The following NOX3 variants were observed in gnomAD, a reference collection of about 807,000 sequenced individuals.
The protein encoded by NOX3 is NADPH oxidase catalytic subunit-like 3.
In NOX3, 74 loss-of-function variants were observed where a neutral mutation model predicts 76.7. That is an observed-to-expected ratio of 0.96 (90% CI 0.80 to 1.17). The LOEUF is 1.17. Ranked by LOEUF, NOX3 falls within the 50% of genes most tolerant of loss-of-function variation. The pLI, the probability that NOX3 is intolerant of heterozygous loss-of-function variation, is 0.00. For synonymous variants in NOX3, 263 were observed against 261.1 expected (o/e 1.01, Z -0.07); for missense variants, 695 against 703.3 (o/e 0.99, Z 0.13).
At chr6:155,442,905 G>T (rs1777012216) in intron 5 of NOX3, among the ~76,000 whole-genome samples, 1 of 152,166 alleles carries the variant, frequency 6.6e-6, no homozygotes, top group Non-Finnish European at 1.5e-5. Context: ...TAATCTCTGT[G>T]TTTAGCTGGC....
intron 10 of NOX3, among the ~76,000 whole-genome samples, chr6:155,421,558 A>C (rs75741674): frequency 0.015 from 2,262 of 152,244 alleles, 74 homozygotes; most frequent in African/African-American, 0.052. Flanking sequence ...CTGAATGAGG[A>C]TCTTTTCTGC....
At chr6:155,435,812 C>T (rs936510632) in intron 7 of NOX3, among the ~76,000 whole-genome samples, 2 of 152,150 alleles carry the variant, frequency 1.3e-5, no homozygotes, top group Non-Finnish European at 2.9e-5. Flanking sequence ...ACCACCTACC[C>T]GGGAAATCTG....
intron 4 of NOX3, among the ~76,000 whole-genome samples, chr6:155,452,737 C>T (rs1777163907): frequency 6.6e-6 from 1 of 152,064 alleles, no homozygotes; most frequent in Admixed American, 6.6e-5. Flanking sequence ...CTCCTTATCG[C>T]TCAGATAGCC....
intron 12 of NOX3, among the ~76,000 whole-genome samples, chr6:155,400,549 A>G (rs1406310756): frequency 6.6e-6 from 1 of 152,170 alleles, no homozygotes; most frequent in African/African-American, 2.4e-5. Context: ...AGTGTTTTTC[A>G]TTAGAAATGC....
At chr6:155,443,461 C>T (rs974621917) in intron 4 of NOX3, 43 bp from the exon 5 acceptor site, 5 of 1,594,248 alleles carry the variant, frequency 3.1e-6, no homozygotes. Flanking sequence ...CTGTGGCTTG[C>T]TTTCTCCCTA....
chr6:155,443,407 C>A lies in NOX3; in HGVS notation c.352G>T (p.Val118Leu), dbSNP rs200369845. 6.2e-7 allele frequency: 1 copy of A among 1,613,700 alleles called. No homozygotes were observed. The change falls in exon 5 of 14, where the codon GTG becomes TTG. Residue 118 changes from valine (V) to leucine (L), a missense_variant. Physicochemically the swap from Val to Leu is conservative, Grantham distance 32 (BLOSUM62 1). Transcript: ENST00000159060. Reference protein sequence around the residue: ...GIAVNATIHIVAHFFNLERYH... With the variant: ...GIAVNATIHILAHFFNLERYH... ...CGTTCCAGGTTGAAGAAATGCGCCA[C>A]GATGTGGATGGCTAGGACAAGGAGA...
At position 155,407,237 on chromosome 6, in the gene NOX3, T is replaced by G; in HGVS notation, c.1473A>C (p.Leu491Phe). Residue 491 changes from leucine to phenylalanine, a missense_variant, in exon 12 of 14, where the codon TTA becomes TTC. Physicochemically the swap from Leu to Phe is conservative, Grantham distance 22 (BLOSUM62 0). Transcript: ENST00000159060. The part of the protein sequence containing the change: ...WDENQALHIA[L>F]HWDENTDVIT... ...TCACGTCAGTATTTTCGTCCCAGTGTAAAGCTATGTGAAGAGCCTAAAGTA... is the reference window on the plus strand; with the variant it reads ...TCACGTCAGTATTTTCGTCCCAGTGGAAAGCTATGTGAAGAGCCTAAAGTA... The G allele has an allele frequency of 6.2e-7, 1 of 1,613,982 alleles. No homozygotes were observed. Among genetic ancestry groups the G allele is most frequent in the South Asian group, 1.1e-5 (1 of 91,074 alleles).
chr6:155,426,793 A>T (rs1408081392), intron 9 of NOX3, among the ~76,000 whole-genome samples: 3 of 152,200 alleles, frequency 2.0e-5, no homozygotes, highest in African/African-American at 7.2e-5. Context: ...TCAGCTACTG[A>T]GTAACCAGTA....
At chr6:155,443,127 G>T in intron 5 of NOX3, 146 bp downstream of exon 5, 1 of 944,942 alleles carries the variant, frequency 1.1e-6, no homozygotes, top group Non-Finnish European at 1.5e-6. Flanking sequence ...TAACTTTTTA[G>T]AAAATGTGAA....
At chr6:155,414,652 G>T (rs547772330) in intron 10 of NOX3, among the ~76,000 whole-genome samples, 1 of 134,592 alleles carries the variant, frequency 7.4e-6, no homozygotes, top group Non-Finnish European at 1.5e-5. Flanking sequence ...TTTTGAGAGG[G>T]AGTCTCTCTC....
chr6:155,422,680 T>C lies in NOX3; in HGVS notation c.1308+14A>G. On this transcript the variant is annotated intron_variant, in intron 10 of 13. Coordinates refer to ENST00000159060, the MANE Select transcript of NOX3 (RefSeq NM_015718.3). The stretch of plus-strand genomic sequence containing the variant: ...TTTAATCCATGGAAGGGTGAACTAA[T>C]GATTTTTCCGTACCTTGCTCAGCTT... 6.2e-7 allele frequency: 1 copy of C among 1,612,866 alleles called. No homozygotes were observed.
chr6:155,397,011 C>T, intron 12 of NOX3, 49 bp from the exon 13 acceptor site: 1 of 1,545,960 alleles, frequency 6.5e-7, no homozygotes. Context: ...GGAGGCAAGG[C>T]CAGCCAGAAG....
intron 12 of NOX3, among the ~76,000 whole-genome samples, chr6:155,404,236 C>T (rs536388275): frequency 6.6e-6 from 1 of 151,994 alleles, no homozygotes; most frequent in African/African-American, 2.4e-5. Context: ...AAGGAAATGG[C>T]AGATGAAATG....
At position 155,415,130 on chromosome 6, in the gene NOX3, C is replaced by CTG. The variant is rs1262543430; in HGVS notation, c.1309-3772_1309-3771dup. 3.9e-5 allele frequency among the ~76,000 whole-genome samples: 6 copies of CTG among 152,312 alleles called. No individual in the cohort carries two copies. The East Asian group carries it at 1.2e-3, about 29-fold the overall frequency. ...AGCGACAGTCACAAGTTTGGGCTCT[C>CTG]TGTGTGTCCCTTCTCATTTTCATGT... On this transcript the variant is annotated intron_variant, in intron 10 of 13. Transcript: ENST00000159060.
intron 10 of NOX3, among the ~76,000 whole-genome samples, chr6:155,417,781 A>C (rs1215526112): frequency 1.3e-5 from 2 of 151,004 alleles, no homozygotes; most frequent in Non-Finnish European, 2.9e-5. Flanking sequence ...AATATATTTT[A>C]GTAGAGTATG....
Position 155,443,254 on chromosome 6 carries a change from T to G in NOX3, c.486+19A>C, listed in dbSNP as rs765012304. On this transcript the variant is annotated intron_variant, in intron 5 of 13. Transcript: ENST00000159060. ...ACGGATTTTTCAGGGGAGAAGCTTG[T>G]TAGCATGCAGGAACTCACTGTGGGG... is the stretch of plus-strand genomic sequence containing the variant. 1 of 1,605,082 alleles carries G rather than the reference T, an allele frequency of 6.2e-7. No individual in the cohort carries two copies. Among genetic ancestry groups the G allele is most frequent in the Non-Finnish European group, 8.5e-7 (1 of 1,174,132 alleles).
At chr6:155,409,101 A>T (rs1562459098) in intron 11 of NOX3, among the ~76,000 whole-genome samples, 1 of 152,162 alleles carries the variant, frequency 6.6e-6, no homozygotes, top group Admixed American at 6.5e-5. Flanking sequence ...AAATAAAGAA[A>T]ATATAAAAAG....
chr6:155,409,957 G>A (rs1033812031), intron 11 of NOX3, among the ~76,000 whole-genome samples: 4 of 152,200 alleles, frequency 2.6e-5, no homozygotes, highest in African/African-American at 9.6e-5. Flanking sequence ...ATACCTAGGT[G>A]CACACTGGGA....
intron 6 of NOX3, among the ~76,000 whole-genome samples, 196 bp downstream of exon 6, chr6:155,439,760 A>AAT (rs1776956033): frequency 6.6e-6 from 1 of 152,208 alleles, no homozygotes; most frequent in South Asian, 2.1e-4. Flanking sequence ...AGGAAAAATA[A>AAT]ATATAATACT....
Sources: gnomAD v4.1 joint callset for allele counts (sites outside exome capture counted in the v4.1 genomes callset) on GRCh38, gnomAD v4.1.1 for gene constraint, MANE v1.5 for transcripts, NCBI Gene and HGNC (gene_info 2026-07-23, HGNC 2026-07-21) for gene names.